Variants in CEP112 observed in about 807,000 individuals in gnomAD.
The protein encoded by CEP112 is centrosomal protein of 112 kDa.
In CEP112, 127 loss-of-function variants were observed where a neutral mutation model predicts 153.0. The ratio of observed to expected loss-of-function variants is 0.83; its 90% CI spans 0.72 to 0.96. The LOEUF is 0.96. Ranked by LOEUF, CEP112 falls within the 40% of genes least tolerant of loss-of-function variation. The pLI is 0.00. For synonymous variants in CEP112, 358 were observed against 374.4 expected, an observed-to-expected ratio of 0.96 and a Z score of 0.51; for missense variants, 1,089 against 1,101.2, an observed-to-expected ratio of 0.99 and a Z score of 0.16.
At chr17:66,146,748 T>C (rs752695170) in intron 4 of CEP112, among the ~76,000 whole-genome samples, 2 of 152,178 alleles carry the variant, frequency 1.3e-5, no homozygotes, top group Non-Finnish European at 2.9e-5. Context: ...AGAGACCTCA[T>C]ATAAGTTAAA....
chr17:66,035,008 A>ATTTTTTTT (rs1218978308), intron 12 of CEP112, among the ~76,000 whole-genome samples: 2 of 72,370 alleles, frequency 2.8e-5, no homozygotes, highest in Non-Finnish European at 5.5e-5. Context: ...ATATATATAT[A>ATTTTTTTT]TTTTTTTTTT....
intron 22 of CEP112, among the ~76,000 whole-genome samples, chr17:65,749,150 C>T (rs1352310340): frequency 6.6e-6 from 1 of 152,144 alleles, no homozygotes; most frequent in East Asian, 1.9e-4. Context: ...CTTACATAAA[C>T]ATATACGACT....
At chr17:65,750,761 C>T in intron 21 of CEP112, 37 bp from the exon 22 acceptor site, 1 of 1,593,532 alleles carries the variant, frequency 6.3e-7, no homozygotes. Flanking sequence ...TACACAGTGA[C>T]CTGTGAGCTT....
chr17:65,683,771 C>T (rs912709548), intron 24 of CEP112, among the ~76,000 whole-genome samples: 5 of 152,154 alleles, frequency 3.3e-5, no homozygotes, highest in African/African-American at 9.7e-5. Context: ...CAGCTGGGTG[C>T]GGTGGCTCAG....
intron 24 of CEP112, among the ~76,000 whole-genome samples, chr17:65,686,214 G>A (rs2047783620): frequency 6.8e-6 from 1 of 148,120 alleles, no homozygotes; most frequent in South Asian, 2.2e-4. Context: ...CTTTACCCAT[G>A]GGTATTTCCT....
intron 6 of CEP112, among the ~76,000 whole-genome samples, chr17:66,104,108 G>A (rs191899294): frequency 6.6e-5 from 10 of 152,298 alleles, no homozygotes; most frequent in Non-Finnish European, 1.2e-4. Context: ...TGAGCTCAAA[G>A]CCAGTGGGCT....
At chr17:66,063,693 C>A (rs1429694050) in intron 10 of CEP112, among the ~76,000 whole-genome samples, 4 of 152,128 alleles carry the variant, frequency 2.6e-5, no homozygotes, top group Non-Finnish European at 5.9e-5. Context: ...TGGTGCAAAT[C>A]TGGTAGTTAT....
At chr17:66,048,818 A>G (rs943192024) in intron 12 of CEP112, among the ~76,000 whole-genome samples, 6 of 152,286 alleles carry the variant, frequency 3.9e-5, no homozygotes, top group Non-Finnish European at 5.9e-5. Flanking sequence ...CATGTTGGCC[A>G]GGCTGATCTC....
intron 4 of CEP112, among the ~76,000 whole-genome samples, chr17:66,135,312 A>G (rs1049618898): frequency 1.3e-5 from 2 of 152,216 alleles, no homozygotes; most frequent in Non-Finnish European, 2.9e-5. Context: ...ATTTTCTGCC[A>G]TAAGACTGTC....
chr17:66,142,292 C>A (rs2070735187), intron 4 of CEP112, among the ~76,000 whole-genome samples: 1 of 152,124 alleles, frequency 6.6e-6, no homozygotes, highest in Non-Finnish European at 1.5e-5. Context: ...AATATTTTAT[C>A]TGATTCTGTA....
chr17:65,991,709 C>T (rs1598033434), intron 17 of CEP112, among the ~76,000 whole-genome samples: 1 of 152,182 alleles, frequency 6.6e-6, no homozygotes, highest in East Asian at 1.9e-4. Context: ...AGTTTGCAGG[C>T]TTCCTTTTAG....
At chr17:65,733,451 C>A (rs935358228) in intron 23 of CEP112, among the ~76,000 whole-genome samples, 1 of 152,160 alleles carries the variant, frequency 6.6e-6, no homozygotes, top group African/African-American at 2.4e-5. Flanking sequence ...AAAGACTTGA[C>A]ACAGAGTTGC....
chr17:65,913,985 ATC>A, intron 19 of CEP112: 1 of 516,450 alleles, frequency 1.9e-6, no homozygotes, highest in Non-Finnish European at 2.5e-6. Context: ...TATCTGCCAG[ATC>A]TCAGTTGAAA....
intron 22 of CEP112, among the ~76,000 whole-genome samples, chr17:65,743,633 C>T (rs1289599734): frequency 6.6e-6 from 1 of 152,158 alleles, no homozygotes; most frequent in Non-Finnish European, 1.5e-5. Flanking sequence ...GTTTATTCTT[C>T]AGTCACCTAA....
intron 19 of CEP112, among the ~76,000 whole-genome samples, chr17:65,915,608 A>G (rs895095550): frequency 6.6e-6 from 1 of 151,780 alleles, no homozygotes; most frequent in Non-Finnish European, 1.5e-5. Flanking sequence ...ACATAGTGAA[A>G]CCCTGTCTCT....
chr17:66,140,606 T>G (rs559343548), intron 4 of CEP112, among the ~76,000 whole-genome samples: 1 of 152,292 alleles, frequency 6.6e-6, no homozygotes, highest in Non-Finnish European at 1.5e-5. Flanking sequence ...TCAGTAGCAC[T>G]TCTTTACACT....
At chr17:65,958,525 G>A (rs112837327) in intron 18 of CEP112, among the ~76,000 whole-genome samples, 29 of 67,108 alleles carry the variant, frequency 4.3e-4, no homozygotes, top group East Asian at 3.7e-3. Context: ...CTTGCTGTCC[G>A]TGCCCACTCC....
intron 18 of CEP112, among the ~76,000 whole-genome samples, chr17:65,945,038 TGTATCTCAGAAGTCA>T (rs1389811881): frequency 6.6e-6 from 1 of 152,206 alleles, no homozygotes; most frequent in Non-Finnish European, 1.5e-5. Flanking sequence ...GTCAATAAAT[TGTATCTCAGAAGTCA>T]TTACCTCTCC....
intron 17 of CEP112, among the ~76,000 whole-genome samples, chr17:65,971,078 G>A (rs1453313993): frequency 2.0e-5 from 3 of 152,116 alleles, no homozygotes; most frequent in African/African-American, 7.2e-5. Flanking sequence ...CATGTCACAT[G>A]TCTTACATGT....
Sources: gnomAD v4.1 joint callset for allele counts (sites outside exome capture counted in the v4.1 genomes callset) on GRCh38, gnomAD v4.1.1 for gene constraint, MANE v1.5 for transcripts, NCBI Gene and HGNC (gene_info 2026-07-23, HGNC 2026-07-21) for gene names.